Variants in CCSER1 observed in about 807,000 individuals in gnomAD.
The protein encoded by CCSER1 is serine-rich coiled-coil domain-containing protein 1.
In CCSER1, 41 loss-of-function variants were observed where a neutral mutation model predicts 82.0. The observed-to-expected ratio is 0.50, with a 90% CI of 0.39 to 0.65. The LOEUF (loss-of-function observed/expected upper bound fraction) is 0.65, where lower values mean the gene tolerates loss of function less well. Ranked by LOEUF, CCSER1 falls within the 30% of genes least tolerant of loss-of-function variation. CCSER1 has a pLI of 0.00. For synonymous variants in CCSER1, 414 were observed against 383.9 expected (o/e 1.08, Z -0.92); for missense variants, 1,119 against 1,064.2 (o/e 1.05, Z -0.72).
intron 5 of CCSER1, among the ~76,000 whole-genome samples, chr4:90,589,484 C>A (rs1381950905): frequency 6.6e-6 from 1 of 151,538 alleles, no homozygotes; most frequent in African/African-American, 2.4e-5. Context: ...TTACAAAAAT[C>A]TGGAGAAAAA....
At chr4:90,702,158 A>G (rs1580016067) in intron 6 of CCSER1, among the ~76,000 whole-genome samples, 2 of 152,186 alleles carry the variant, frequency 1.3e-5, no homozygotes, top group East Asian at 3.9e-4. Context: ...ATCAATATCT[A>G]TTTTATTGGG....
intron 9 of CCSER1, among the ~76,000 whole-genome samples, chr4:91,059,361 A>ATGTG (rs1220761880): frequency 9.6e-5 from 8 of 83,218 alleles, no homozygotes; most frequent in Admixed American, 2.1e-4. Context: ...ACACGTGTGT[A>ATGTG]TGTGTGTGTG....
intron 1 of CCSER1, among the ~76,000 whole-genome samples, chr4:90,223,986 T>C (rs1416728763): frequency 6.6e-6 from 1 of 152,208 alleles, no homozygotes; most frequent in Non-Finnish European, 1.5e-5. Flanking sequence ...GCTCAGTAAA[T>C]ATGTGTCGAA....
At chr4:90,716,985 A>T (rs190896623) in intron 6 of CCSER1, among the ~76,000 whole-genome samples, 15 of 152,228 alleles carry the variant, frequency 9.9e-5, no homozygotes, top group Middle Eastern at 3.4e-3. Flanking sequence ...TCAGTGTTGG[A>T]TTTGCTCCTA....
intron 3 of CCSER1, among the ~76,000 whole-genome samples, chr4:90,330,414 G>A (rs1021444640): frequency 2.6e-5 from 4 of 152,264 alleles, no homozygotes; most frequent in Admixed American, 2.0e-4. Context: ...AAGCAGATCA[G>A]CCACCTAGCT....
chr4:90,343,506 C>T (rs1280660972), intron 3 of CCSER1, among the ~76,000 whole-genome samples: 2 of 152,034 alleles, frequency 1.3e-5, no homozygotes, highest in African/African-American at 4.8e-5. Context: ...TAATCCAGCT[C>T]CTCAGGAGGC....
intron 5 of CCSER1, among the ~76,000 whole-genome samples, chr4:90,525,402 A>G (rs976394811): frequency 6.6e-6 from 1 of 152,134 alleles, no homozygotes. Flanking sequence ...AAAGTCTCCA[A>G]AGTTCTTAGA....
intron 10 of CCSER1, among the ~76,000 whole-genome samples, chr4:91,540,214 A>G (rs12645064): frequency 0.066 from 10,055 of 152,108 alleles, 358 homozygotes; most frequent in Middle Eastern, 0.095. Flanking sequence ...TGTAGAGTCA[A>G]ACCTACATTG....
intron 9 of CCSER1, among the ~76,000 whole-genome samples, chr4:90,930,473 G>A (rs1199215462): frequency 6.6e-6 from 1 of 151,872 alleles, no homozygotes; most frequent in East Asian, 1.9e-4. Context: ...GGCGTAGGTG[G>A]TGCACGCCTG....
intron 8 of CCSER1, among the ~76,000 whole-genome samples, chr4:90,840,718 C>T (rs1762468845): frequency 1.3e-5 from 2 of 151,970 alleles, no homozygotes; most frequent in Non-Finnish European, 2.9e-5. Context: ...CAGCAAGAAG[C>T]ACCCTCATCC....
At chr4:90,610,133 G>A (rs966535047) in intron 5 of CCSER1, among the ~76,000 whole-genome samples, 72 of 151,766 alleles carry the variant, frequency 4.7e-4, no homozygotes, top group Non-Finnish European at 8.1e-4. Context: ...GGCACCTGTA[G>A]TCCCAGCTAC....
At position 90,156,915 on chromosome 4, in the gene CCSER1, T is replaced by G. The variant is rs35212317; in HGVS notation, c.-42+29084T>G. ...TTATGTGTGAATTCGATCCTGTCAT[T>G]ATGATGTTAGCTGGTTATTTTGCTC... On this transcript the variant is annotated intron_variant, in intron 1 of 10. Transcript: ENST00000509176. Among the ~76,000 whole-genome samples the G allele has an allele frequency of 2.2e-3, 339 of 152,134 alleles. 10 individuals are homozygous for G. The South Asian group carries it at 0.045, about 20-fold the overall frequency.
chr4:91,411,126 G>A (rs1752997472), intron 10 of CCSER1, among the ~76,000 whole-genome samples: 1 of 151,490 alleles, frequency 6.6e-6, no homozygotes, highest in Middle Eastern at 3.2e-3. Flanking sequence ...ACTATCTTTT[G>A]GGACTCTTCT....
chr4:90,660,173 C>T lies in CCSER1; in HGVS notation c.1932+31941C>T, dbSNP rs548318630. Among the ~76,000 whole-genome samples, 5 of 152,136 alleles carry T rather than the reference C, an allele frequency of 3.3e-5. 1 individual carries two copies. In the South Asian group the frequency reaches 1.0e-3, roughly 32 times the overall value. The stretch of plus-strand genomic sequence containing the variant: ...ACTACCATTTGATCTAACCATTTCA[C>T]ACTGGGTATCTACCCAAAGGAAAAG... On this transcript the variant is annotated intron_variant, in intron 6 of 10. Transcript: ENST00000509176.
rs1740840157 is a variant in CCSER1 at position 91,258,160 on chromosome 4, A to G, written c.2217+172166A>G. ...AGTTTTACAAATTTAGATTTCACTA[A>G]TTCAGAATTTGTGATCATTTCGAGT... On this transcript the variant is annotated intron_variant, in intron 10 of 10. Coordinates refer to ENST00000509176, the MANE Select transcript of CCSER1 (RefSeq NM_001145065.2). Among the ~76,000 whole-genome samples the G allele has an allele frequency of 2.0e-5, 3 of 152,134 alleles. No individual in the cohort carries two copies. The South Asian group carries it at 6.2e-4, about 31-fold the overall frequency.
intron 4 of CCSER1, among the ~76,000 whole-genome samples, chr4:90,463,877 C>T (rs946927496): frequency 5.3e-5 from 8 of 151,244 alleles, no homozygotes; most frequent in East Asian, 1.9e-4. Context: ...AGTAGTTTTG[C>T]GAAATTTATT....
intron 9 of CCSER1, among the ~76,000 whole-genome samples, chr4:90,988,650 T>C (rs1276080825): frequency 2.0e-5 from 3 of 151,788 alleles, no homozygotes; most frequent in Non-Finnish European, 4.4e-5. Flanking sequence ...ATTTTTGCCT[T>C]TTAGAAATGA....
intron 7 of CCSER1, among the ~76,000 whole-genome samples, chr4:90,758,638 GTT>G (rs1189539005): frequency 6.6e-6 from 1 of 151,998 alleles, no homozygotes; most frequent in Non-Finnish European, 1.5e-5. Flanking sequence ...ATTTTTAAGT[GTT>G]TTTTCCAACA....
intron 1 of CCSER1, among the ~76,000 whole-genome samples, chr4:90,165,755 A>C (rs1730339239): frequency 4.6e-5 from 7 of 152,080 alleles, no homozygotes; most frequent in Admixed American, 4.6e-4. Flanking sequence ...TAATTGTCAC[A>C]GGGAGGAAAT....
Sources: gnomAD v4.1 joint callset for allele counts (sites outside exome capture counted in the v4.1 genomes callset) on GRCh38, gnomAD v4.1.1 for gene constraint, MANE v1.5 for transcripts, NCBI Gene and HGNC (gene_info 2026-07-23, HGNC 2026-07-21) for gene names.